KIRREL3: variants seen among roughly 807,000 people sequenced by gnomAD.
The protein encoded by KIRREL3 is kin of IRRE-like protein 3.
In KIRREL3, 36 loss-of-function variants were observed where a neutral mutation model predicts 89.7. The observed-to-expected ratio is 0.40, with a 90% CI of 0.31 to 0.53. The LOEUF (loss-of-function observed/expected upper bound fraction) is 0.53. KIRREL3 is among the 20% of genes least tolerant of loss of function. KIRREL3 has a pLI of 0.49. For synonymous variants in KIRREL3, 445 were observed against 441.4 expected (o/e 1.01, Z -0.10); for missense variants, 864 against 1,056.6 (o/e 0.82, Z 2.53).
chr11:126,855,750 T>TGAGG (rs760902594), intron 1 of KIRREL3, among the ~76,000 whole-genome samples: 27 of 152,302 alleles, frequency 1.8e-4, no homozygotes, highest in Non-Finnish European at 3.7e-4. Flanking sequence ...TGAGTTTGGG[T>TGAGG]GAGGTCTAAT....
At chr11:126,539,996 A>C (rs552745602) in intron 2 of KIRREL3, among the ~76,000 whole-genome samples, 2 of 152,298 alleles carry the variant, frequency 1.3e-5, no homozygotes, top group Admixed American at 1.3e-4. Context: ...AATCTTGTTG[A>C]GGTTTGCACA....
In KIRREL3 at chr11:126,431,669, A is replaced by G. The variant is rs1955137662; in HGVS notation, c.1589-143T>C. On this transcript the variant is annotated intron_variant, in intron 13 of 16. Coordinates refer to ENST00000525144, the MANE Select transcript of KIRREL3 (RefSeq NM_032531.4). The surrounding 1 kb of genome is among the most constrained non-coding windows in gnomAD (Gnocchi z 7.1). Reference sequence around the variant, plus strand: ...GCCTCAGTGGGGCCTGGGCAGGCACAGGCCGAGTCCAACTGGGGTCAGCTC... The same window carrying G: ...GCCTCAGTGGGGCCTGGGCAGGCACGGGCCGAGTCCAACTGGGGTCAGCTC... The G allele has an allele frequency of 5.0e-6, 4 of 798,674 alleles. No homozygotes were observed. Among genetic ancestry groups the G allele is most frequent in the Admixed American group, 2.2e-5 (1 of 44,718 alleles). The allele number at this position is 798,674 out of a possible 1,614,324, so 49.5% of individuals were successfully genotyped here.
At chr11:126,911,240 G>T (rs998022095) in intron 1 of KIRREL3, among the ~76,000 whole-genome samples, 1 of 152,190 alleles carries the variant, frequency 6.6e-6, no homozygotes, top group African/African-American at 2.4e-5. Flanking sequence ...CAAATAAAAA[G>T]CAGCCACCAT....
rs1958773403 is a variant in KIRREL3 at position 126,526,746 on chromosome 11, C to T, written c.134-59G>A. On this transcript the variant is annotated intron_variant, in intron 2 of 16. Transcript: ENST00000525144. The surrounding 1 kb of genome is among the most constrained non-coding windows in gnomAD (Gnocchi z 5.7). ...TGCCGGCTACAGGGGCGAGAAGGCT[C>T]CCCTCCAGCTATGGAAGCAGAGCAG... 6.6e-7 allele frequency: 1 copy of T among 1,513,730 alleles called. No individual in the cohort carries two copies. The highest frequency in any genetic ancestry group is 2.0e-5 in the Admixed American group (1 of 50,232). 93.8% of individuals were successfully genotyped at this position (1,513,730 alleles called of 1,614,324 possible). A position where few individuals can be genotyped will look rare whatever the true frequency, so the allele number is the denominator to read the frequency against.
Position 126,490,991 on chromosome 11 carries a change from C to T in KIRREL3, c.434-17525G>A, listed in dbSNP as rs1389671458. Among the ~76,000 whole-genome samples, 1 of 152,204 alleles carries T rather than the reference C, an allele frequency of 6.6e-6. No individual in the cohort carries two copies. Among genetic ancestry groups the T allele is most frequent in the African/African-American group, 2.4e-5 (1 of 41,450 alleles). ...GGGCGTTTGGAGGGTGGAGGAGAGC[C>T]TGTTGTCTCTTTGGAGAATGGGGCA... On this transcript the variant is annotated intron_variant, in intron 4 of 16. Transcript: ENST00000525144. This position sits in a 1 kb window ranked among gnomAD's most constrained non-coding sequence, Gnocchi z 4.2.
intron 1 of KIRREL3, among the ~76,000 whole-genome samples, chr11:126,793,497 T>G (rs916784267): frequency 5.3e-5 from 8 of 152,090 alleles, no homozygotes; most frequent in East Asian, 1.9e-4. Context: ...TGATAACAGG[T>G]GCACCAGCCC....
chr11:126,757,761 CT>C (rs1949550888), intron 1 of KIRREL3, among the ~76,000 whole-genome samples: 1 of 152,010 alleles, frequency 6.6e-6, no homozygotes, highest in African/African-American at 2.4e-5. Flanking sequence ...GTCTACTGTT[CT>C]TTTAAAAGCC....
At chr11:126,831,435 T>TTCTTTCTC (rs1555051377) in intron 1 of KIRREL3, among the ~76,000 whole-genome samples, 4 of 149,914 alleles carry the variant, frequency 2.7e-5, no homozygotes, top group Non-Finnish European at 4.4e-5. Context: ...CTCTCTCTCT[T>TTCTTTCTC]TCTCTCTCTC....
rs565013353 is a variant in KIRREL3 at position 126,766,112 on chromosome 11, G to A, written c.56-203200C>T. On this transcript the variant is annotated intron_variant, in intron 1 of 16. Coordinates refer to ENST00000525144, the MANE Select transcript of KIRREL3 (RefSeq NM_032531.4). The surrounding 1 kb of genome is among the most constrained non-coding windows in gnomAD (Gnocchi z 4.2). ...CCCTCCTGGGATGGTATCTAGTATC[G>A]TTTCATCGCTAATGTTGTGAGTGAG... Among the ~76,000 whole-genome samples the A allele has an allele frequency of 1.3e-5, 2 of 151,854 alleles. No individual in the cohort carries two copies. The highest frequency in any genetic ancestry group is 2.1e-4 in the South Asian group (1 of 4,778).
chr11:126,760,074 C>T lies in KIRREL3; in HGVS notation c.56-197162G>A, dbSNP rs114825762. 6.7e-3 allele frequency among the ~76,000 whole-genome samples: 1,017 copies of T among 152,276 alleles called. 12 individuals carry two copies. Among genetic ancestry groups the T allele is most frequent in the African/African-American group, 0.023 (956 of 41,538 alleles). On this transcript the variant is annotated intron_variant, in intron 1 of 16. Transcript: ENST00000525144. The stretch of plus-strand genomic sequence containing the variant: ...CAGTTTTCTTCTTATCCCCACTGGC[C>T]CTGTCCTCTTGTCTCTCATTCATTC...
intron 1 of KIRREL3, among the ~76,000 whole-genome samples, chr11:126,971,308 T>C (rs1198226466): frequency 6.6e-6 from 1 of 152,192 alleles, no homozygotes; most frequent in Non-Finnish European, 1.5e-5. Flanking sequence ...GTGCCCCAGT[T>C]TTCCCAGCTA....
rs550628055 is a variant in KIRREL3, at chr11:126,811,144, T to A, written c.55+189311A>T. Among the ~76,000 whole-genome samples the A allele has an allele frequency of 7.4e-4, 112 of 152,314 alleles. 1 individual carries two copies. Among genetic ancestry groups the A allele is most frequent in the Admixed American group, 7.2e-3 (110 of 15,302 alleles). ...TTCTAAGCTCCCGCAGCAGCCAGGCTCTTAAGCAGCCAGCTAGCAACTCCA... is the reference window on the plus strand; with the variant it reads ...TTCTAAGCTCCCGCAGCAGCCAGGCACTTAAGCAGCCAGCTAGCAACTCCA... On this transcript the variant is annotated intron_variant, in intron 1 of 16. Coordinates refer to ENST00000525144, the MANE Select transcript of KIRREL3 (RefSeq NM_032531.4). The surrounding 1 kb of genome is among the most constrained non-coding windows in gnomAD (Gnocchi z 4.3).
chr11:126,759,541 A>C (rs1044060867), intron 1 of KIRREL3, among the ~76,000 whole-genome samples: 5 of 152,224 alleles, frequency 3.3e-5, no homozygotes, highest in African/African-American at 1.2e-4. Flanking sequence ...GATGGATGTT[A>C]GTGATAAAGG....
intron 1 of KIRREL3, among the ~76,000 whole-genome samples, chr11:126,942,828 G>A (rs1014245991): frequency 6.6e-6 from 1 of 152,166 alleles, no homozygotes; most frequent in Non-Finnish European, 1.5e-5. Flanking sequence ...CAGGATTTCT[G>A]CTTTCCATGC....
At chr11:126,436,671 G>C (rs921607750) in intron 12 of KIRREL3, 140 bp downstream of exon 12, 2 of 879,254 alleles carry the variant, frequency 2.3e-6, no homozygotes, top group Non-Finnish European at 3.5e-6. Flanking sequence ...TGGCTAGGCT[G>C]TGTGGTCAGC....
chr11:126,872,674 T>A lies in KIRREL3; in HGVS notation c.55+127781A>T, dbSNP rs1945146287. On this transcript the variant is annotated intron_variant, in intron 1 of 16. Transcript: ENST00000525144. This position sits in a 1 kb window ranked among gnomAD's most constrained non-coding sequence, Gnocchi z 4.2. Reference sequence around the variant, plus strand: ...CTTTTCTTTCTCTGTCTCCCTCCTATCCCACCCCATCCTGGGCTTGTTTTC... The same window carrying A: ...CTTTTCTTTCTCTGTCTCCCTCCTAACCCACCCCATCCTGGGCTTGTTTTC... Among the ~76,000 whole-genome samples the A allele has an allele frequency of 6.6e-6, 1 of 152,176 alleles. No homozygotes were observed. The highest frequency in any genetic ancestry group is 6.5e-5 in the Admixed American group (1 of 15,282).
At chr11:126,552,550 G>GTTTTTTTTTTTTTTTTTT (rs59392843) in intron 2 of KIRREL3, among the ~76,000 whole-genome samples, 2 of 81,752 alleles carry the variant, frequency 2.4e-5, no homozygotes, top group African/African-American at 8.5e-5. Context: ...AGAGAGAAAA[G>GTTTTTTTTTTTTTTTTTT]TTTTTTTTTT....
At chr11:126,919,538 C>T (rs928473558) in intron 1 of KIRREL3, among the ~76,000 whole-genome samples, 5 of 152,214 alleles carry the variant, frequency 3.3e-5, no homozygotes, top group East Asian at 1.9e-4. Context: ...GCCTGCAACA[C>T]ATCAGAGACA....
rs1183309882 is a variant in KIRREL3, at chr11:126,544,712, T to C, written c.134-18025A>G. ...TGTATCTGGGCCAGTGGGTGGAGAG[T>C]GCAGGGAGCTGTCCTTGGTTGGCAG... On this transcript the variant is annotated intron_variant, in intron 2 of 16. Coordinates refer to ENST00000525144, the MANE Select transcript of KIRREL3 (RefSeq NM_032531.4). This position sits in a 1 kb window ranked among gnomAD's most constrained non-coding sequence, Gnocchi z 5.6. Among the ~76,000 whole-genome samples the C allele has an allele frequency of 1.3e-5, 2 of 152,002 alleles. No homozygotes were observed.
Sources: allele counts gnomAD v4.1 joint callset (sites outside exome capture counted in the v4.1 genomes callset), GRCh38; gene constraint gnomAD v4.1.1; non-coding constraint Gnocchi (gnomAD v3.1); transcripts MANE v1.5; gene names NCBI Gene and HGNC (gene_info 2026-07-23, HGNC 2026-07-21).